PLD1: variants seen among roughly 807,000 people sequenced by gnomAD.
The protein encoded by PLD1 is choline phosphatase 1.
PLD1 carries 112 observed loss-of-function variants against 137.1 expected under a neutral mutation model. That is an observed-to-expected ratio of 0.82 (90% confidence interval 0.70 to 0.96). The LOEUF (loss-of-function observed/expected upper bound fraction) is 0.96, where lower values mean the gene tolerates loss of function less well. PLD1 is among the 40% of genes least tolerant of loss of function. The pLI is 0.00. For missense variants in PLD1, 1,321 were observed against 1,342.0 expected, an observed-to-expected ratio of 0.98 and a Z score of 0.24; for synonymous variants, 431 against 454.7, an observed-to-expected ratio of 0.95 and a Z score of 0.66.
intron 6 of PLD1, among the ~76,000 whole-genome samples, chr3:171,730,344 A>G (rs891217354): frequency 1.3e-5 from 2 of 152,096 alleles, no homozygotes; most frequent in African/African-American, 4.8e-5. Flanking sequence ...CAAATCACCA[A>G]TGGTCTCTGA....
chr3:171,692,150 C>G (rs1288043184), intron 13 of PLD1, among the ~76,000 whole-genome samples, 182 bp downstream of exon 13: 1 of 151,832 alleles, frequency 6.6e-6, no homozygotes, highest in Non-Finnish European at 1.5e-5. Flanking sequence ...ATCTGCTTAC[C>G]CCCATCAATG....
chr3:171,651,471 C>T (rs573207404), intron 21 of PLD1, among the ~76,000 whole-genome samples: 1 of 152,158 alleles, frequency 6.6e-6, no homozygotes, highest in African/African-American at 2.4e-5. Flanking sequence ...GGAGAAGATC[C>T]TTCTGGGCTT....
chr3:171,613,145 G>C (rs1374365492), intron 24 of PLD1, among the ~76,000 whole-genome samples: 3 of 152,090 alleles, frequency 2.0e-5, no homozygotes, highest in Non-Finnish European at 4.4e-5. Flanking sequence ...ACTTCAGCCT[G>C]GGCCAAAGAG....
At chr3:171,752,995 T>C (rs1720768796) in intron 1 of PLD1, among the ~76,000 whole-genome samples, 1 of 152,198 alleles carries the variant, frequency 6.6e-6, no homozygotes, top group Non-Finnish European at 1.5e-5. Flanking sequence ...AAAGGATTGA[T>C]GAGACTAGAA....
intron 24 of PLD1, among the ~76,000 whole-genome samples, chr3:171,620,121 T>C (rs1381821875): frequency 1.3e-5 from 2 of 152,206 alleles, no homozygotes; most frequent in Non-Finnish European, 2.9e-5. Context: ...GCAATTGCCC[T>C]GATGTGATTG....
chr3:171,650,758 C>A (rs534122879), intron 21 of PLD1, among the ~76,000 whole-genome samples: 1 of 151,952 alleles, frequency 6.6e-6, no homozygotes, highest in Non-Finnish European at 1.5e-5. Context: ...ATTAGCCAGG[C>A]GTGGTGGCGG....
intron 1 of PLD1, among the ~76,000 whole-genome samples, chr3:171,745,404 C>A (rs1388951742): frequency 6.6e-6 from 1 of 152,136 alleles, no homozygotes; most frequent in Non-Finnish European, 1.5e-5. Context: ...TGGGCTGGGT[C>A]CATCTGCATC....
intron 1 of PLD1, among the ~76,000 whole-genome samples, chr3:171,802,873 G>A (rs1474725929): frequency 2.0e-5 from 3 of 152,194 alleles, no homozygotes; most frequent in African/African-American, 7.2e-5. Flanking sequence ...CAGCAGCCCA[G>A]ATGACCTGAT....
chr3:171,614,899 T>C (rs914858429), intron 24 of PLD1, among the ~76,000 whole-genome samples: 1 of 152,208 alleles, frequency 6.6e-6, no homozygotes, highest in Non-Finnish European at 1.5e-5. Flanking sequence ...AGGTGAGGAA[T>C]ACATTTCCAG....
rs1248816379 is a variant in PLD1, at chr3:171,772,691, A to G, written c.-31-34609T>C. On this transcript the variant is annotated intron_variant, in intron 1 of 26. Coordinates refer to ENST00000351298, the MANE Select transcript of PLD1 (RefSeq NM_002662.5). ...AAGCTGGATGAGCTGAACAAACCTC[A>G]GGGGAAATGTTATTACTTTGATGTT... Among the ~76,000 whole-genome samples the G allele has an allele frequency of 3.3e-5, 5 of 152,230 alleles. No homozygotes were observed. The East Asian group carries it at 9.6e-4, about 29-fold the overall frequency.
intron 21 of PLD1, among the ~76,000 whole-genome samples, chr3:171,652,623 A>G (rs1161022982): frequency 6.6e-6 from 1 of 151,538 alleles, no homozygotes; most frequent in Admixed American, 6.6e-5. Context: ...TCTTTTTGTG[A>G]CAGGGTCTTG....
chr3:171,673,354 T>C (rs918888635), intron 19 of PLD1, among the ~76,000 whole-genome samples: 25 of 150,270 alleles, frequency 1.7e-4, no homozygotes, highest in Non-Finnish European at 3.3e-4. Flanking sequence ...TAGTCTCGGC[T>C]CACTGCAAAC....
chr3:171,659,253 T>A lies in PLD1; in HGVS notation c.2389A>T (p.Ile797Leu). 6.2e-7 allele frequency: 1 copy of A among 1,613,856 alleles called. No individual in the cohort carries two copies. The highest frequency in any genetic ancestry group is 1.1e-5 in the South Asian group (1 of 91,080). Reference protein sequence around the residue: ...CADDKVVFNKIGDAIAQRILK... With the variant: ...CADDKVVFNKLGDAIAQRILK... Reference sequence around the variant, plus strand: ...ATCCTCTGGGCAATGGCATCGCCTATCTTGTTGAACACAACTTTGTCATCA... The same window carrying A: ...ATCCTCTGGGCAATGGCATCGCCTAACTTGTTGAACACAACTTTGTCATCA... The change falls in exon 21 of 27, where the codon ATA becomes TTA. Residue 797 changes from isoleucine to leucine, a missense_variant. By Grantham distance (5) the Ile-to-Leu change is conservative. Transcript: ENST00000351298.
rs764255245 is a variant in PLD1 at position 171,605,397 on chromosome 3, C to T, written c.2902G>A (p.Asp968Asn). Residue 968 changes from aspartate to asparagine, a missense_variant, in exon 26 of 27, where the codon GAT (aspartate) becomes AAT (asparagine). Coordinates refer to ENST00000351298, the MANE Select transcript of PLD1 (RefSeq NM_002662.5). ...QCFRVVLGYL[D>N]DPSEDIQDPV... is the part of the protein sequence containing the mutation. ...TCCTGAATGTCCTCACTTGGGTCAT[C>T]AAGATAGCCAAGGACAACCCTGAAA... The T allele has an allele frequency of 3.7e-6, 6 of 1,611,282 alleles. No individual in the cohort carries two copies. Among genetic ancestry groups the T allele is most frequent in the Non-Finnish European group, 8.5e-7 (1 of 1,177,482 alleles).
chr3:171,733,579 CAAT>C (rs1719116235), intron 5 of PLD1, 70 bp from the exon 6 acceptor site: 1 of 634,662 alleles, frequency 1.6e-6, no homozygotes, highest in Non-Finnish European at 2.8e-6. Flanking sequence ...ACAGTAGTGA[CAAT>C]GATGAGATCA....
At chr3:171,682,812 A>C (rs1273685788) in intron 16 of PLD1, among the ~76,000 whole-genome samples, 1 of 151,936 alleles carries the variant, frequency 6.6e-6, no homozygotes, top group East Asian at 1.9e-4. Flanking sequence ...CCTTTTAAAA[A>C]CTCCAGGATC....
chr3:171,680,224 T>C (rs1713823071), intron 16 of PLD1, among the ~76,000 whole-genome samples: 1 of 151,468 alleles, frequency 6.6e-6, no homozygotes, highest in African/African-American at 2.4e-5. Context: ...CCTGTCTTTT[T>C]GTTTTCTTTT....
intron 1 of PLD1, among the ~76,000 whole-genome samples, chr3:171,758,269 G>A (rs927159136): frequency 1.3e-5 from 2 of 152,156 alleles, no homozygotes; most frequent in East Asian, 1.9e-4. Flanking sequence ...ATGTGCTCAC[G>A]TGACTCAGCT....
intron 12 of PLD1, 139 bp downstream of exon 12, chr3:171,699,606 T>C: frequency 1.5e-6 from 1 of 664,426 alleles, no homozygotes; most frequent in East Asian, 2.5e-5. Context: ...CCAAATGAAC[T>C]GGAAAACATT....
Sources: allele counts gnomAD v4.1 joint callset (sites outside exome capture counted in the v4.1 genomes callset), GRCh38; gene constraint gnomAD v4.1.1; transcripts MANE v1.5; gene names NCBI Gene and HGNC (gene_info 2026-07-23, HGNC 2026-07-21).